Variants in CCT4 observed in about 807,000 individuals in gnomAD.
The protein encoded by CCT4 is T-complex protein 1 subunit delta.
Under a neutral mutation model 62.5 loss-of-function variants are expected in CCT4, and 17 were observed. That is an observed-to-expected ratio of 0.27 (90% CI 0.19 to 0.41). The LOEUF (loss-of-function observed/expected upper bound fraction) is 0.41, where lower values mean the gene tolerates loss of function less well. CCT4 is among the 10% of genes least tolerant of loss of function. The pLI is 1.00. For synonymous variants in CCT4, 250 were observed against 229.9 expected, an observed-to-expected ratio of 1.09 and a Z score of -0.79; for missense variants, 592 against 659.2, an observed-to-expected ratio of 0.90 and a Z score of 1.12.
intron 4 of CCT4, 31 bp from the exon 5 acceptor site, chr2:61,879,042 T>C (rs771065223): frequency 1.3e-6 from 2 of 1,538,952 alleles, no homozygotes; most frequent in African/African-American, 1.4e-5. Context: ...GTTATTTAAT[T>C]GTAACAGGTA....
At position 61,869,509 on chromosome 2, in the gene CCT4, C is replaced by G. The variant is rs1237406127; in HGVS notation, c.1536G>C (p.Leu512=). ...NILEELVVQP[L]LVSVSALTLA... is the part of the protein sequence containing the mutation. ...GAGTCAGAGCACTGACTGATACCAA[C>G]AGAGGCTGGACAACCAGTTCCTCCA... Residue 512 remains leucine, a synonymous_variant, in exon 13 of 14, where the codon CTG becomes CTC. Transcript: ENST00000394440. The G allele has an allele frequency of 6.2e-7, 1 of 1,612,496 alleles. No homozygotes were observed. The highest frequency in any genetic ancestry group is 8.5e-7 in the Non-Finnish European group (1 of 1,178,600).
At chr2:61,872,720 G>A in intron 10 of CCT4, 132 bp from the exon 11 acceptor site, 1 of 818,370 alleles carries the variant, frequency 1.2e-6, no homozygotes, top group African/African-American at 1.7e-5. Flanking sequence ...GAGGTGAGGA[G>A]ATCGAGACCA....
chr2:61,874,130 C>T (rs554062448), intron 8 of CCT4, among the ~76,000 whole-genome samples: 36 of 152,288 alleles, frequency 2.4e-4, no homozygotes, highest in African/African-American at 8.7e-4. Flanking sequence ...CTCTGTGATA[C>T]TAGAAAGGTA....
intron 12 of CCT4, among the ~76,000 whole-genome samples, chr2:61,871,560 G>A (rs1479332643): frequency 6.6e-6 from 1 of 152,130 alleles, no homozygotes; most frequent in Non-Finnish European, 1.5e-5. Flanking sequence ...GTACCATACA[G>A]ACAATATAAA....
chr2:61,877,366 A>G (rs754998244), intron 6 of CCT4, 27 bp downstream of exon 6: 1 of 1,593,938 alleles, frequency 6.3e-7, no homozygotes. Flanking sequence ...TCAAATTTTT[A>G]TTCAAGTTGT....
At chr2:61,888,305 C>A in intron 1 of CCT4, 76 bp downstream of exon 1, 3 of 1,533,740 alleles carry the variant, frequency 2.0e-6, no homozygotes, top group South Asian at 2.4e-5. Context: ...GGAAATGAGC[C>A]AAACCCGCTC....
chr2:61,884,826 C>G (rs1669213206), intron 2 of CCT4, among the ~76,000 whole-genome samples, 194 bp downstream of exon 2: 1 of 152,062 alleles, frequency 6.6e-6, no homozygotes, highest in African/African-American at 2.4e-5. Flanking sequence ...TAGGGTTTCT[C>G]CATGTTGGTC....
rs547653855 is a variant in CCT4 at position 61,872,714 on chromosome 2, TGAG to T, written c.1126-129_1126-127del. ...AGGATGAGGCGGGTGGCTAACGAGGTGAGGAGATCGAGACCATCCTGACTAACA... is the reference window on the plus strand; with the variant it reads ...AGGATGAGGCGGGTGGCTAACGAGGTGAGATCGAGACCATCCTGACTAACA... On this transcript the variant is annotated intron_variant, in intron 10 of 13. Transcript: ENST00000394440. 8.2e-5 allele frequency: 73 copies of T among 888,166 alleles called. No homozygotes were observed. The African/African-American group carries it at 1.1e-3, about 14-fold the overall frequency. 55.0% of individuals were successfully genotyped at this position (888,166 alleles called of 1,614,324 possible). A position where few individuals can be genotyped will look rare whatever the true frequency, so the allele number is the denominator to read the frequency against.
At position 61,871,176 on chromosome 2, in the gene CCT4, T is replaced by C. The variant is rs146837896; in HGVS notation, c.1491+906A>G. On this transcript the variant is annotated intron_variant, in intron 12 of 13. Transcript: ENST00000394440. ...CCTCCCGTGTAGCTGGGATTACAGATATCCGCCACTTCGCCTGGCTAATTT... is the reference window on the plus strand; with the variant it reads ...CCTCCCGTGTAGCTGGGATTACAGACATCCGCCACTTCGCCTGGCTAATTT... 5.0e-3 allele frequency among the ~76,000 whole-genome samples: 755 copies of C among 151,852 alleles called. 4 individuals carry two copies. The highest frequency in any genetic ancestry group is 0.018 in the African/African-American group (735 of 41,430).
chr2:61,875,740 G>A (rs1317720663), intron 8 of CCT4, among the ~76,000 whole-genome samples: 4 of 152,098 alleles, frequency 2.6e-5, no homozygotes, highest in Non-Finnish European at 5.9e-5. Context: ...CAACATTCTG[G>A]CAGTTAGTTG....
intron 5 of CCT4, among the ~76,000 whole-genome samples, chr2:61,878,198 A>G (rs1669040354): frequency 6.6e-6 from 1 of 152,092 alleles, no homozygotes; most frequent in Non-Finnish European, 1.5e-5. Context: ...CTGATTTTTA[A>G]AAGGAAAAAG....
At position 61,877,500 on chromosome 2, in the gene CCT4, A is replaced by G. The variant is rs1669026604; in HGVS notation, c.537T>C (p.Tyr179=). ...CACTCATTGGAGAAAGCAGACTTGA[A>G]TACTGAGAAACCACCTAGAATTATT... The part of the protein sequence containing the change: ...TSLNSKVVSQ[Y]SSLLSPMSVN... The change falls in exon 6 of 14, where the codon TAT becomes TAC. Residue 179 remains tyrosine, a synonymous_variant. Transcript: ENST00000394440. The G allele has an allele frequency of 6.3e-7, 1 of 1,587,772 alleles. No individual in the cohort carries two copies. Among genetic ancestry groups the G allele is most frequent in the Non-Finnish European group, 8.5e-7 (1 of 1,171,916 alleles).
chr2:61,875,239 AATGCAG>A (rs920475548), intron 8 of CCT4, among the ~76,000 whole-genome samples: 2 of 151,944 alleles, frequency 1.3e-5, no homozygotes, highest in African/African-American at 4.8e-5. Context: ...TAAAAAAAAA[AATGCAG>A]ATTTCTGGTG....
At chr2:61,879,255 AC>A in intron 4 of CCT4, among the ~76,000 whole-genome samples, 1 of 70,840 alleles carries the variant, frequency 1.4e-5, no homozygotes, top group East Asian at 3.6e-4. Flanking sequence ...CAAATTTTAT[AC>A]TTTTTTTTTT....
intron 3 of CCT4, among the ~76,000 whole-genome samples, chr2:61,880,897 C>T (rs920846367): frequency 6.6e-6 from 1 of 151,810 alleles, no homozygotes; most frequent in Non-Finnish European, 1.5e-5. Flanking sequence ...CTTTTTTGTT[C>T]GTTTGTTTTT....
At chr2:61,883,651 CTTAATT>C (rs1380635447) in intron 2 of CCT4, 103 bp from the exon 3 acceptor site, 2 of 658,972 alleles carry the variant, frequency 3.0e-6, no homozygotes, top group African/African-American at 3.7e-5. Context: ...TTGCAAAGTA[CTTAATT>C]TTAAATTCTC....
chr2:61,869,358 A>C (rs541270867), intron 13 of CCT4, 82 bp downstream of exon 13: 2 of 750,588 alleles, frequency 2.7e-6, no homozygotes, highest in East Asian at 5.5e-5. Flanking sequence ...CAACCAACCA[A>C]ACAACAACAA....
At chr2:61,878,848 A>G (rs1430966226) in intron 5 of CCT4, 21 bp downstream of exon 5, 1 of 1,576,446 alleles carries the variant, frequency 6.3e-7, no homozygotes, top group African/African-American at 1.4e-5. Context: ...TTTGACAAGT[A>G]TCCGTTAGTG....
intron 3 of CCT4, among the ~76,000 whole-genome samples, chr2:61,880,637 C>T (rs924693721): frequency 2.6e-5 from 4 of 152,008 alleles, no homozygotes; most frequent in African/African-American, 9.7e-5. Context: ...AATTAGAAAG[C>T]AAAAATATAT....
Sources: allele counts gnomAD v4.1 joint callset (sites outside exome capture counted in the v4.1 genomes callset), GRCh38; gene constraint gnomAD v4.1.1; transcripts MANE v1.5; gene names NCBI Gene and HGNC (gene_info 2026-07-23, HGNC 2026-07-21).